ZBTB7C: variants seen among roughly 807,000 people sequenced by gnomAD.
ZBTB7C encodes the protein zinc finger and BTB domain-containing protein 7C.
A neutral mutation model predicts 25.7 loss-of-function variants in ZBTB7C; 8 were observed. The observed-to-expected ratio is 0.31, with a 90% CI of 0.18 to 0.56. The LOEUF (loss-of-function observed/expected upper bound fraction) is 0.56, where lower values mean the gene tolerates loss of function less well. Among genes scored for constraint, ZBTB7C ranks in the 20% least tolerant of loss-of-function variants. ZBTB7C has a pLI of 0.91. For missense variants in ZBTB7C, 824 were observed against 855.2 expected, an observed-to-expected ratio of 0.96 and a Z score of 0.46; for synonymous variants, 394 against 369.0, an observed-to-expected ratio of 1.07 and a Z score of -0.78.
At chr18:48,401,443 T>C (rs4940369) in intron 1 of ZBTB7C, among the ~76,000 whole-genome samples, 152,060 of 152,294 alleles carry the variant, frequency 1, 75,913 homozygotes, top group Middle Eastern at 1. Flanking sequence ...GTGAGGAAAC[T>C]GATACTCAGA....
At chr18:48,114,095 C>T (rs1204080417) in intron 3 of ZBTB7C, among the ~76,000 whole-genome samples, 22 of 152,140 alleles carry the variant, frequency 1.4e-4, no homozygotes. Context: ...CATTTACAGA[C>T]AGCCACAAGT....
chr18:48,167,006 A>T (rs2041271031), intron 3 of ZBTB7C, among the ~76,000 whole-genome samples: 2 of 152,132 alleles, frequency 1.3e-5, no homozygotes. Flanking sequence ...GAGCCTGCTC[A>T]GCCCTGCCCT....
intron 1 of ZBTB7C, among the ~76,000 whole-genome samples, chr18:48,386,683 G>A (rs1196846773): frequency 1.3e-5 from 2 of 152,196 alleles, no homozygotes; most frequent in African/African-American, 4.8e-5. Flanking sequence ...AAATTCAAGA[G>A]CCACACATTG....
In ZBTB7C at chr18:48,263,784, ATAGT is replaced by A. The variant is rs1193920606; in HGVS notation, c.-79+74386_-79+74389del. Among the ~76,000 whole-genome samples, 9 of 152,192 alleles carry A rather than the reference ATAGT, an allele frequency of 5.9e-5. 1 individual carries two copies. Among genetic ancestry groups the A allele is most frequent in the Admixed American group, 5.9e-4 (9 of 15,282 alleles). On this transcript the variant is annotated intron_variant, in intron 2 of 4. Transcript: ENST00000590800. ...AACAAATCATAAACCAACATATTAA[ATAGT>A]TAGTAATAGATTAGTAATCAAAGAT...
chr18:48,376,647 TC>T (rs1443324456), intron 1 of ZBTB7C, among the ~76,000 whole-genome samples: 2 of 152,230 alleles, frequency 1.3e-5, no homozygotes, highest in Non-Finnish European at 2.9e-5. Flanking sequence ...CTGGAGGCTG[TC>T]ACTCTGCAGT....
intron 3 of ZBTB7C, among the ~76,000 whole-genome samples, chr18:48,133,270 G>A (rs1181164764): frequency 1.3e-5 from 2 of 152,232 alleles, no homozygotes; most frequent in East Asian, 1.9e-4. Context: ...GTGCATGGGT[G>A]CGGATGAAGT....
At chr18:48,144,984 C>G (rs1328682636) in intron 3 of ZBTB7C, among the ~76,000 whole-genome samples, 1 of 152,140 alleles carries the variant, frequency 6.6e-6, no homozygotes, top group Non-Finnish European at 1.5e-5. Flanking sequence ...AGATTCATTC[C>G]CTGACCCTCA....
chr18:48,250,150 G>C (rs1308522611), intron 2 of ZBTB7C, among the ~76,000 whole-genome samples: 1 of 152,184 alleles, frequency 6.6e-6, no homozygotes, highest in African/African-American at 2.4e-5. Flanking sequence ...CAGGGGTCAA[G>C]TGGTTCCACT....
chr18:48,192,359 T>C (rs2042217449), intron 2 of ZBTB7C, among the ~76,000 whole-genome samples: 4 of 152,220 alleles, frequency 2.6e-5, no homozygotes, highest in African/African-American at 7.2e-5. Context: ...AGTGGAACTA[T>C]TCTGCATGAT....
Position 48,093,208 on chromosome 18 carries a change from C to A in ZBTB7C, c.-16-52085G>T, listed in dbSNP as rs375072885. Among the ~76,000 whole-genome samples the A allele has an allele frequency of 5.3e-5, 8 of 152,294 alleles. No homozygotes were observed. In the East Asian group the frequency reaches 1.4e-3, roughly 26 times the overall value. Reference sequence around the variant, plus strand: ...GCTGGGCCCACAGAGTAGACTCAGCCGTGGTGGAGATGCCACCTGATGTGG... The same window carrying A: ...GCTGGGCCCACAGAGTAGACTCAGCAGTGGTGGAGATGCCACCTGATGTGG... On this transcript the variant is annotated intron_variant, in intron 3 of 4. Transcript: ENST00000590800.
chr18:48,104,080 G>C (rs1277497733), intron 3 of ZBTB7C, among the ~76,000 whole-genome samples: 3 of 152,084 alleles, frequency 2.0e-5, no homozygotes, highest in Non-Finnish European at 4.4e-5. Context: ...TTAATGAGTG[G>C]GTTGCATGGT....
chr18:48,370,933 G>A (rs966209786), intron 1 of ZBTB7C, among the ~76,000 whole-genome samples: 9 of 152,102 alleles, frequency 5.9e-5, no homozygotes, highest in African/African-American at 2.2e-4. Context: ...CACTGAATTT[G>A]TAAAAGAAAT....
At chr18:48,106,307 C>T (rs965733595) in intron 3 of ZBTB7C, among the ~76,000 whole-genome samples, 8 of 151,696 alleles carry the variant, frequency 5.3e-5, no homozygotes, top group Admixed American at 4.6e-4. Context: ...TTAATGTTTG[C>T]CTCCTCCTAG....
At chr18:48,111,206 C>T (rs2039226894) in intron 3 of ZBTB7C, among the ~76,000 whole-genome samples, 2 of 152,154 alleles carry the variant, frequency 1.3e-5, no homozygotes, top group Admixed American at 6.5e-5. Context: ...CTCATGCTCT[C>T]GTCCTCAGCT....
intron 2 of ZBTB7C, among the ~76,000 whole-genome samples, chr18:48,188,043 T>C (rs2042105185): frequency 6.6e-6 from 1 of 152,122 alleles, no homozygotes; most frequent in Admixed American, 6.5e-5. Context: ...CCTGCAACAA[T>C]AGCACAGCAT....
intron 2 of ZBTB7C, among the ~76,000 whole-genome samples, chr18:48,328,569 G>A (rs1296397195): frequency 6.6e-6 from 1 of 152,160 alleles, no homozygotes; most frequent in Admixed American, 6.5e-5. Flanking sequence ...AGAGGCTCAG[G>A]GGAGGAACCC....
At chr18:48,207,325 A>G (rs1485317500) in intron 2 of ZBTB7C, among the ~76,000 whole-genome samples, 1 of 152,236 alleles carries the variant, frequency 6.6e-6, no homozygotes, top group East Asian at 1.9e-4. Flanking sequence ...GTGCCCAGAA[A>G]AGATATTTAT....
intron 1 of ZBTB7C, among the ~76,000 whole-genome samples, chr18:48,355,083 A>G (rs773629505): frequency 6.6e-6 from 1 of 152,208 alleles, no homozygotes; most frequent in Non-Finnish European, 1.5e-5. Context: ...TGGAGAAGAG[A>G]GCCATGCCAA....
At chr18:48,209,108 A>G (rs1034599885) in intron 2 of ZBTB7C, among the ~76,000 whole-genome samples, 10 of 152,278 alleles carry the variant, frequency 6.6e-5, no homozygotes, top group African/African-American at 2.4e-4. Context: ...AGAGTGAGAC[A>G]GAAAAGAGGA....
Sources: allele counts gnomAD v4.1 joint callset (sites outside exome capture counted in the v4.1 genomes callset), GRCh38; gene constraint gnomAD v4.1.1; transcripts MANE v1.5; gene names NCBI Gene and HGNC (gene_info 2026-07-23, HGNC 2026-07-21).